Variants in UTRN observed in about 807,000 individuals in gnomAD.
UTRN encodes the protein utrophin, also known as dystrophin-related protein 1.
In UTRN, 283 loss-of-function variants were observed where a neutral mutation model predicts 463.9. The ratio of observed to expected loss-of-function variants is 0.61; its 90% CI spans 0.55 to 0.67. UTRN has a LOEUF of 0.67. Ranked by LOEUF, UTRN falls within the 30% of genes least tolerant of loss-of-function variation. UTRN has a pLI of 0.00. For synonymous variants in UTRN, 1,442 were observed against 1,431.5 expected (o/e 1.01, Z -0.17); for missense variants, 3,922 against 4,084.3 (o/e 0.96, Z 1.08).
In UTRN at chr6:144,724,655, G is replaced by T. The variant is rs73593805; in HGVS notation, c.7810-5702G>T. 1.6e-3 allele frequency among the ~76,000 whole-genome samples: 241 copies of T among 152,064 alleles called. 1 individual carries two copies. The highest frequency in any genetic ancestry group is 5.7e-3 in the African/African-American group (235 of 41,466). On this transcript the variant is annotated intron_variant, in intron 53 of 74. Coordinates refer to ENST00000367545, the MANE Select transcript of UTRN (RefSeq NM_007124.3). ...ACTTTCTGCCTCTCTAGACTTGCCT[G>T]TTTGGGACATTGCATGGTAATGGAA...
At chr6:144,823,293 C>A (rs965007416) in intron 66 of UTRN, among the ~76,000 whole-genome samples, 1 of 151,802 alleles carries the variant, frequency 6.6e-6, no homozygotes, top group Non-Finnish European at 1.5e-5. Flanking sequence ...TTTTTTTAAT[C>A]CTAGACCAAG....
intron 23 of UTRN, among the ~76,000 whole-genome samples, chr6:144,468,748 G>A (rs1194932160): frequency 6.6e-6 from 1 of 152,140 alleles, no homozygotes; most frequent in East Asian, 1.9e-4. Context: ...TGAGCTCTTT[G>A]ACGATCTTTG....
intron 2 of UTRN, among the ~76,000 whole-genome samples, chr6:144,393,090 CT>C (rs781772139): frequency 1.3e-5 from 2 of 152,030 alleles, no homozygotes; most frequent in South Asian, 2.1e-4. Flanking sequence ...AAAGAGAATT[CT>C]GAAGTGAGAT....
chr6:144,398,457 C>T, intron 2 of UTRN: 1 of 370,824 alleles, frequency 2.7e-6, no homozygotes, highest in East Asian at 8.3e-5. Context: ...GAAGCATGTG[C>T]TGGCATTTTT....
intron 51 of UTRN, among the ~76,000 whole-genome samples, chr6:144,652,350 A>G (rs1199492415): frequency 6.6e-6 from 1 of 152,218 alleles, no homozygotes; most frequent in Middle Eastern, 3.2e-3. Flanking sequence ...CAAGAAAATC[A>G]CGGGAAAGAC....
At chr6:144,503,607 A>G (rs1177585108) in intron 34 of UTRN, among the ~76,000 whole-genome samples, 1 of 152,088 alleles carries the variant, frequency 6.6e-6, no homozygotes, top group Non-Finnish European at 1.5e-5. Flanking sequence ...CCATTGGTCT[A>G]TATATCTGTT....
chr6:144,836,606 T>C, intron 71 of UTRN, 65 bp downstream of exon 71: 1 of 1,587,180 alleles, frequency 6.3e-7, no homozygotes, highest in Non-Finnish European at 8.6e-7. Context: ...TGGGAGATGA[T>C]GGTCCAGGTG....
At chr6:144,420,273 A>C (rs1784720262) in intron 3 of UTRN, among the ~76,000 whole-genome samples, 1 of 152,246 alleles carries the variant, frequency 6.6e-6, no homozygotes, top group East Asian at 1.9e-4. Context: ...AGATAATACA[A>C]CATTTATTAA....
intron 33 of UTRN, among the ~76,000 whole-genome samples, chr6:144,493,870 G>T (rs149177934): frequency 3.3e-5 from 5 of 152,280 alleles, no homozygotes; most frequent in African/African-American, 1.2e-4. Context: ...AGCCATGGTG[G>T]TGAGTATCTG....
At chr6:144,479,150 G>A (rs367620711) in intron 25 of UTRN, among the ~76,000 whole-genome samples, 9 of 124,738 alleles carry the variant, frequency 7.2e-5, no homozygotes, top group South Asian at 2.5e-4. Flanking sequence ...ACAGAGTCTC[G>A]CTCTGTTCCC....
chr6:144,441,016 C>A (rs532987523), intron 13 of UTRN, among the ~76,000 whole-genome samples: 1 of 152,226 alleles, frequency 6.6e-6, no homozygotes, highest in Admixed American at 6.5e-5. Flanking sequence ...GAATCAATTA[C>A]CTCCCACTGG....
intron 2 of UTRN, among the ~76,000 whole-genome samples, chr6:144,357,230 AGGGTAGGAGCCTGTAC>A (rs1319918030): frequency 6.6e-6 from 1 of 152,192 alleles, no homozygotes; most frequent in African/African-American, 2.4e-5. Context: ...TGGCTCAGCA[AGGGTAGGAGCCTGTAC>A]TTTGGCTCAT....
chr6:144,829,031 A>G (rs553552160), intron 69 of UTRN, among the ~76,000 whole-genome samples, 176 bp downstream of exon 69: 4 of 152,314 alleles, frequency 2.6e-5, no homozygotes, highest in East Asian at 3.9e-4. Flanking sequence ...TATAAACTCA[A>G]TATGTTTATT....
intron 41 of UTRN, among the ~76,000 whole-genome samples, chr6:144,523,552 C>G (rs916392539): frequency 6.6e-6 from 1 of 152,116 alleles, no homozygotes; most frequent in Non-Finnish European, 1.5e-5. Context: ...TCAGGCAGTC[C>G]GCCTTGCCTT....
chr6:144,490,063 CTTT>C lies in UTRN; in HGVS notation c.4135-5_4135-3del, dbSNP rs2128578740. On this transcript the variant is annotated splice_region_variant and splice_polypyrimidine_tract_variant and intron_variant, in intron 30 of 74. Transcript: ENST00000367545. Reference sequence around the variant, plus strand: ...GGACATCCTCTCCCCTTTCCAATCTCTTTTTAGAAAATCCAAGCAGAGATCTCA... The same window carrying C: ...GGACATCCTCTCCCCTTTCCAATCTCTTAGAAAATCCAAGCAGAGATCTCA... The C allele has an allele frequency of 6.2e-7, 1 of 1,604,412 alleles. No individual in the cohort carries two copies. Among genetic ancestry groups the C allele is most frequent in the South Asian group, 1.1e-5 (1 of 88,386 alleles).
At chr6:144,380,623 C>T (rs1780827654) in intron 2 of UTRN, among the ~76,000 whole-genome samples, 2 of 151,738 alleles carry the variant, frequency 1.3e-5, no homozygotes, top group South Asian at 4.2e-4. Context: ...TCAGCCTGGG[C>T]AACACAGCAA....
chr6:144,549,934 A>T (rs1198069280), intron 47 of UTRN, among the ~76,000 whole-genome samples: 1 of 152,148 alleles, frequency 6.6e-6, no homozygotes, highest in Non-Finnish European at 1.5e-5. Flanking sequence ...CTTCCTTCCC[A>T]TTTCTTTTTC....
intron 16 of UTRN, 58 bp downstream of exon 16, chr6:144,447,839 G>A: frequency 1.3e-6 from 2 of 1,499,584 alleles, no homozygotes; most frequent in South Asian, 1.4e-5. Context: ...AAATTTAAAT[G>A]TTCAGGTTAG....
At chr6:144,693,146 G>A (rs182978103) in intron 52 of UTRN, among the ~76,000 whole-genome samples, 4 of 152,122 alleles carry the variant, frequency 2.6e-5, no homozygotes, top group Admixed American at 2.6e-4. Flanking sequence ...TATTGAATAG[G>A]GAATCATTTC....
Sources: allele counts gnomAD v4.1 joint callset (sites outside exome capture counted in the v4.1 genomes callset), GRCh38; gene constraint gnomAD v4.1.1; transcripts MANE v1.5; gene names NCBI Gene and HGNC (gene_info 2026-07-23, HGNC 2026-07-21).